Variants in ING1 observed in about 807,000 individuals in gnomAD.
ING1 encodes inhibitor of growth family member 1.
In ING1, 4 loss-of-function variants were observed where a neutral mutation model predicts 23.1. That is an observed-to-expected ratio of 0.17 (90% CI 0.09 to 0.40). ING1 has a LOEUF of 0.40. Among genes scored for constraint, ING1 ranks in the 10% least tolerant of loss-of-function variants. ING1 has a pLI of 1.00. For synonymous variants in ING1, 179 were observed against 166.4 expected, an observed-to-expected ratio of 1.08 and a Z score of -0.58; for missense variants, 256 against 393.8, an observed-to-expected ratio of 0.65 and a Z score of 2.96.
At chr13:110,715,449 C>T (rs771602021) in intron 1 of ING1, 3 of 1,591,878 alleles carry the variant, frequency 1.9e-6, no homozygotes, top group South Asian at 2.2e-5. Context: ...CTGTGATGTC[C>T]TTCGTGGAAT....
chr13:110,712,947 T>G (rs1416856731), upstream of ING1: 1 of 1,559,328 alleles, frequency 6.4e-7, no homozygotes, highest in South Asian at 1.2e-5. Flanking sequence ...CCGCCTAGGC[T>G]GCTGGGAGTG....
In ING1 at chr13:110,719,147, C is replaced by G; in HGVS notation, c.137-82C>G. 1 of 1,379,608 alleles carries G rather than the reference C, an allele frequency of 7.2e-7. No individual in the cohort carries two copies. Among genetic ancestry groups the G allele is most frequent in the Non-Finnish European group, 1.0e-6 (1 of 997,564 alleles). 85.5% of individuals were successfully genotyped at this position (1,379,608 alleles called of 1,614,324 possible). ...CGCTGGCCCCTAGGCTCCCTGCCAG[C>G]CCTCTCCGTAGACCCGTCCGGGGCC... On this transcript the variant is annotated intron_variant, in intron 1 of 1. Transcript: ENST00000333219. This position sits in a 1 kb window ranked among gnomAD's most constrained non-coding sequence, Gnocchi z 8.9.
chr13:110,715,013 G>A, intron 1 of ING1: 1 of 992,320 alleles, frequency 1.0e-6, no homozygotes, highest in Non-Finnish European at 1.2e-6. Context: ...CATCTGCGCT[G>A]CGCTCGGGGG....
chr13:110,715,958 A>T (rs763755587), intron 1 of ING1: 1 of 1,542,190 alleles, frequency 6.5e-7, no homozygotes, highest in Non-Finnish European at 8.7e-7. Flanking sequence ...AGACAGTTTC[A>T]GGCCGCATCT....
upstream of ING1, chr13:110,713,294 G>T (rs2064059631): frequency 3.9e-6 from 5 of 1,270,978 alleles, no homozygotes; most frequent in Non-Finnish European, 5.0e-6. Flanking sequence ...TGCGGTAGTT[G>T]CTGTGTACCA....
chr13:110,714,349 C>T (rs970846271), intron 1 of ING1, 64 bp downstream of exon 1: 16 of 1,388,692 alleles, frequency 1.2e-5, no homozygotes, highest in African/African-American at 1.5e-5. Flanking sequence ...GGGCGCGCCG[C>T]GGAGCCGGGC....
chr13:110,714,265 A>G lies in ING1; in HGVS notation c.116A>G (p.Glu39Gly). Residue 39 changes from glutamate (E) to glycine (G), a missense_variant, in exon 1 of 2, where the codon GAG (glutamate) becomes GGG (glycine). Glu to Gly is a moderately conservative substitution (Grantham distance 98). Around this residue, in one of 3 missense-constraint regions of ING1, gnomAD observed 209 missense variants for 273.8 expected, o/e 0.76. Transcript: ENST00000333219. ...CAGAGAAATGTCTCGCTGATGCGGG[A>G]GATCGACGCGAAATACCAAGGTACG... Reference protein sequence around the residue: ...DLQRNVSLMREIDAKYQEILK... With the variant: ...DLQRNVSLMRGIDAKYQEILK... 2 of 1,572,708 alleles carry G rather than the reference A, an allele frequency of 1.3e-6. No individual in the cohort carries two copies. The highest frequency in any genetic ancestry group is 1.7e-6 in the Non-Finnish European group (2 of 1,161,294).
At chr13:110,712,788 A>G (rs2064047114), upstream of ING1, 1 of 725,720 alleles carries the variant, frequency 1.4e-6, no homozygotes, top group East Asian at 2.7e-5. Context: ...GGCCTAGGGA[A>G]GGCGCCCCTC....
rs931917682 is a variant in ING1 at position 110,714,439 on chromosome 13, C to T, written c.136+154C>T. Among the ~76,000 whole-genome samples the T allele has an allele frequency of 3.9e-5, 6 of 152,224 alleles. No individual in the cohort carries two copies. In the South Asian group the frequency reaches 6.2e-4, roughly 16 times the overall value. On this transcript the variant is annotated intron_variant, in intron 1 of 1. Transcript: ENST00000333219. Reference sequence around the variant, plus strand: ...AGGGGCAGGAACAAAAGGTCTGGAGCGCCTTTGATTCGCCAAGGTCCTTGT... The same window carrying T: ...AGGGGCAGGAACAAAAGGTCTGGAGTGCCTTTGATTCGCCAAGGTCCTTGT...
rs1361438135 is a variant in ING1 at position 110,719,146 on chromosome 13, G to T, written c.137-83G>T. The stretch of plus-strand genomic sequence containing the variant: ...GCGCTGGCCCCTAGGCTCCCTGCCA[G>T]CCCTCTCCGTAGACCCGTCCGGGGC... On this transcript the variant is annotated intron_variant, in intron 1 of 1. Coordinates refer to ENST00000333219, the MANE Select transcript of ING1 (RefSeq NM_198219.3). The surrounding 1 kb of genome is among the most constrained non-coding windows in gnomAD (Gnocchi z 8.9). The T allele has an allele frequency of 1.0e-5, 14 of 1,371,488 alleles. No homozygotes were observed. Among genetic ancestry groups the T allele is most frequent in the African/African-American group, 1.4e-5 (1 of 69,548 alleles). 85.0% of individuals were successfully genotyped at this position (1,371,488 alleles called of 1,614,324 possible).
In ING1 at chr13:110,722,038, G is replaced by T. The variant is rs2064175891; in HGVS notation, c.*2106G>T. ...TTATAAGTAAAACATTAAGTTTGCT[G>T]ATTGTTTACTTGTGATAAACAATTA... On this transcript the variant is annotated 3_prime_UTR_variant, in exon 2 of 2. Transcript: ENST00000333219. The T allele has an allele frequency of 6.6e-6, 1 of 152,154 alleles. No homozygotes were observed. The highest frequency in any genetic ancestry group is 2.4e-5 in the African/African-American group (1 of 41,432). The allele number at this position is 152,154 out of a possible 1,614,324, so 9.4% of individuals were successfully genotyped here.
At chr13:110,717,936 G>T (rs1247492473) in intron 1 of ING1, among the ~76,000 whole-genome samples, 2 of 152,214 alleles carry the variant, frequency 1.3e-5, no homozygotes, top group Non-Finnish European at 2.9e-5. Context: ...TGAGGAAAAA[G>T]AACTCTGGAA....
At chr13:110,716,172 T>C (rs2064121380) in intron 1 of ING1, among the ~76,000 whole-genome samples, 1 of 151,972 alleles carries the variant, frequency 6.6e-6, no homozygotes, top group Non-Finnish European at 1.5e-5. Flanking sequence ...TAGAAAAAAG[T>C]AGCGCGGGGC....
rs1229627054 is a variant in ING1 at position 110,720,444 on chromosome 13, A to C, written c.*512A>C. The C allele has an allele frequency of 6.0e-6, 1 of 167,108 alleles. No individual in the cohort carries two copies. Among genetic ancestry groups the C allele is most frequent in the Non-Finnish European group, 1.5e-5 (1 of 68,152 alleles). The allele number at this position is 167,108 out of a possible 1,614,324, so 10.4% of individuals were successfully genotyped here. On this transcript the variant is annotated 3_prime_UTR_variant, in exon 2 of 2. Transcript: ENST00000333219. ...TATTTTTTAAAAAGGTAAATGGTTA[A>C]ATTTTACATGACAGATATTTTATCT...
Position 110,713,785 on chromosome 13 carries a change from AGCCCAGTG to A in ING1, c.-363_-356del. 1.0e-6 allele frequency: 1 copy of A among 984,666 alleles called. No individual in the cohort carries two copies. Among genetic ancestry groups the A allele is most frequent in the Non-Finnish European group, 1.2e-6 (1 of 829,624 alleles). 61.0% of individuals were successfully genotyped at this position (984,666 alleles called of 1,614,324 possible). A position where few individuals can be genotyped will look rare whatever the true frequency, so the allele number is the denominator to read the frequency against. On this transcript the variant is annotated 5_prime_UTR_variant, in exon 1 of 2. Transcript: ENST00000333219. ...CCCGCTCCGCTCCTCTCTTCTACCC[AGCCCAGTG>A]GGCGAGTGGGCAGCGGCGGCCGCGG...
In ING1 at chr13:110,719,093, C is replaced by CTGG. The variant is rs745450193; in HGVS notation, c.137-132_137-130dup. 1.7e-5 allele frequency: 12 copies of CTGG among 705,840 alleles called. No homozygotes were observed. The highest frequency in any genetic ancestry group is 8.1e-5 in the East Asian group (3 of 37,114). The allele number at this position is 705,840 out of a possible 1,614,324, so 43.7% of individuals were successfully genotyped here. On this transcript the variant is annotated intron_variant, in intron 1 of 1. Coordinates refer to ENST00000333219, the MANE Select transcript of ING1 (RefSeq NM_198219.3). This position sits in a 1 kb window ranked among gnomAD's most constrained non-coding sequence, Gnocchi z 8.9. ...CAGATAGGCCCGGGAGAGCCTGTGG[C>CTGG]TGGTGGGCTTTGTTCTGGGCAAGCC...
In ING1 at chr13:110,719,866, G is replaced by A; in HGVS notation, c.774G>A (p.Gly258=). The change falls in exon 2 of 2, where the codon GGG becomes GGA. Residue 258 remains glycine, a synonymous_variant. Coordinates refer to ENST00000333219, the MANE Select transcript of ING1 (RefSeq NM_198219.3). This position sits in a 1 kb window ranked among gnomAD's most constrained non-coding sequence, Gnocchi z 8.9. ...AGTGGTACTGTCCCAAGTGCCGGGGGGAGAACGAGAAGACCATGGACAAAG... is the reference window on the plus strand; with the variant it reads ...AGTGGTACTGTCCCAAGTGCCGGGGAGAGAACGAGAAGACCATGGACAAAG... ...KGKWYCPKCR[G]ENEKTMDKAL... 6.2e-7 allele frequency: 1 copy of A among 1,613,376 alleles called. No individual in the cohort carries two copies. The highest frequency in any genetic ancestry group is 8.5e-7 in the Non-Finnish European group (1 of 1,179,874).
intron 1 of ING1, chr13:110,715,254 G>A: frequency 5.1e-6 from 7 of 1,375,942 alleles, no homozygotes; most frequent in Non-Finnish European, 6.5e-6. Flanking sequence ...AGGCTGCGCA[G>A]TAGGGAAACG....
At chr13:110,713,197 G>C (rs1303724897), upstream of ING1, 1 of 1,423,680 alleles carries the variant, frequency 7.0e-7, no homozygotes, top group Non-Finnish European at 9.1e-7. Flanking sequence ...CAAGTAGATT[G>C]GCTACTGCGG....
Sources: gnomAD v4.1 joint callset for allele counts (sites outside exome capture counted in the v4.1 genomes callset) on GRCh38, gnomAD v4.1.1 for gene constraint, gnomAD v4.1.1 regional missense constraint, Gnocchi (gnomAD v3.1) non-coding constraint, MANE v1.5 for transcripts, NCBI Gene and HGNC (gene_info 2026-07-23, HGNC 2026-07-21) for gene names.